The following AIG1 variants were observed in gnomAD, a reference collection of about 807,000 sequenced individuals.
AIG1 encodes the protein androgen-induced gene 1 protein.
In AIG1, 23 loss-of-function variants were observed where a neutral mutation model predicts 31.4. The observed-to-expected ratio is 0.73, with a 90% CI of 0.53 to 1.04. AIG1 has a LOEUF of 1.04. Ranked by LOEUF, AIG1 falls within the 50% of genes least tolerant of loss-of-function variation. AIG1 has a pLI of 0.00. For missense variants in AIG1, 274 were observed against 295.0 expected (o/e 0.93, Z 0.52); for synonymous variants, 100 against 110.5 (o/e 0.90, Z 0.60).
intron 4 of AIG1, among the ~76,000 whole-genome samples, chr6:143,304,637 A>G (rs1334575501): frequency 2.0e-5 from 3 of 151,874 alleles, no homozygotes; most frequent in East Asian, 1.9e-4. Context: ...CCAGTATTTT[A>G]TTGAGGATTT....
At chr6:143,165,853 A>G (rs1305496542) in intron 3 of AIG1, among the ~76,000 whole-genome samples, 3 of 152,170 alleles carry the variant, frequency 2.0e-5, no homozygotes, top group Non-Finnish European at 4.4e-5. Context: ...TCATTTTACA[A>G]CATTTGAGGA....
intron 2 of AIG1, among the ~76,000 whole-genome samples, chr6:143,148,568 G>A (rs1410652820): frequency 6.6e-6 from 1 of 152,000 alleles, no homozygotes; most frequent in Non-Finnish European, 1.5e-5. Flanking sequence ...GCTCATGCTT[G>A]TAATCTCAGT....
intron 1 of AIG1, among the ~76,000 whole-genome samples, chr6:143,079,946 G>A (rs56259071): frequency 0.12 from 17,687 of 152,132 alleles, 1,046 homozygotes; most frequent in South Asian, 0.2. Flanking sequence ...TATATGATTT[G>A]ACTATTTCTT....
intron 4 of AIG1, among the ~76,000 whole-genome samples, chr6:143,319,698 A>G (rs1464489830): frequency 6.6e-6 from 1 of 152,216 alleles, no homozygotes; most frequent in Non-Finnish European, 1.5e-5. Context: ...GATAAACAAC[A>G]TCAACAAGCC....
At position 143,310,635 on chromosome 6, in the gene AIG1, TA is replaced by T. The variant is rs541919688; in HGVS notation, c.516-22638del. Among the ~76,000 whole-genome samples the T allele has an allele frequency of 1.0e-3, 150 of 146,592 alleles. 1 individual carries two copies. The highest frequency in any genetic ancestry group is 2.1e-4 in the South Asian group (1 of 4,672). The stretch of plus-strand genomic sequence containing the variant: ...AATTAAAGAAGAAATAAATAAAATT[TA>T]AAAAAAAACAATAAAAGCCAAGGCT... On this transcript the variant is annotated intron_variant, in intron 4 of 5. Coordinates refer to ENST00000357847, the MANE Select transcript of AIG1 (RefSeq NM_016108.4).
intron 3 of AIG1, among the ~76,000 whole-genome samples, chr6:143,178,128 G>A (rs980390026): frequency 1.3e-5 from 2 of 152,118 alleles, no homozygotes; most frequent in African/African-American, 2.4e-5. Flanking sequence ...CCTCTTTTCC[G>A]TGGGCAGCCT....
intron 3 of AIG1, among the ~76,000 whole-genome samples, chr6:143,207,886 C>T (rs1425427690): frequency 6.6e-6 from 1 of 151,924 alleles, no homozygotes; most frequent in Non-Finnish European, 1.5e-5. Flanking sequence ...GGTTTGTTGC[C>T]CTCAGAATTT....
intron 1 of AIG1, among the ~76,000 whole-genome samples, chr6:143,121,334 A>G (rs1369185062): frequency 6.6e-6 from 1 of 152,210 alleles, no homozygotes; most frequent in Non-Finnish European, 1.5e-5. Flanking sequence ...AGCATTTACC[A>G]GTTTGAATCA....
chr6:143,272,311 C>T (rs1796581264), intron 3 of AIG1, among the ~76,000 whole-genome samples: 1 of 152,122 alleles, frequency 6.6e-6, no homozygotes, highest in African/African-American at 2.4e-5. Flanking sequence ...TAGATTAACC[C>T]CACAAAGTTT....
chr6:143,222,442 C>G (rs937505614), intron 3 of AIG1, among the ~76,000 whole-genome samples: 4 of 151,894 alleles, frequency 2.6e-5, no homozygotes, highest in Admixed American at 1.3e-4. Flanking sequence ...ATTCTTATTG[C>G]AAGGGAAGTA....
chr6:143,279,406 A>C lies in AIG1; in HGVS notation c.400-4704A>C, dbSNP rs920348487. Among the ~76,000 whole-genome samples the C allele has an allele frequency of 3.3e-5, 5 of 152,258 alleles. No individual in the cohort carries two copies. The highest frequency in any genetic ancestry group is 1.2e-4 in the African/African-American group (5 of 41,480). On this transcript the variant is annotated intron_variant, in intron 3 of 5. Transcript: ENST00000357847. This position sits in a 1 kb window ranked among gnomAD's most constrained non-coding sequence, Gnocchi z 5.4. ...AGTGAGGAAGGACAAAATCAGAACT[A>C]GATCTCAGATGCCAGCCTCCTAATC...
chr6:143,311,625 G>GA (rs1183099943), intron 4 of AIG1, among the ~76,000 whole-genome samples: 1 of 151,458 alleles, frequency 6.6e-6, no homozygotes, highest in African/African-American at 2.4e-5. Flanking sequence ...TGATTTAAAG[G>GA]AAAAAAACCT....
chr6:143,128,534 G>A (rs1782898427), intron 1 of AIG1, among the ~76,000 whole-genome samples: 1 of 152,180 alleles, frequency 6.6e-6, no homozygotes, highest in Admixed American at 6.5e-5. Flanking sequence ...AAAGCCAGAT[G>A]GTGTATATGT....
At chr6:143,113,717 T>C (rs773884900) in intron 1 of AIG1, among the ~76,000 whole-genome samples, 12 of 152,220 alleles carry the variant, frequency 7.9e-5, no homozygotes, top group Non-Finnish European at 1.6e-4. Flanking sequence ...TGAGTTTTCT[T>C]AGGACAGACA....
At chr6:143,212,183 T>C (rs887037358) in intron 3 of AIG1, among the ~76,000 whole-genome samples, 2 of 152,088 alleles carry the variant, frequency 1.3e-5, no homozygotes, top group African/African-American at 4.8e-5. Flanking sequence ...GAGAGCAAAA[T>C]TGCCCTAGGT....
intron 3 of AIG1, among the ~76,000 whole-genome samples, chr6:143,226,246 ATT>A (rs1554259707): frequency 7.0e-6 from 1 of 142,052 alleles, no homozygotes; most frequent in Admixed American, 7.0e-5. Context: ...ATATATATAT[ATT>A]TTTTTTTTTT....
chr6:143,307,100 G>A (rs1472437254), intron 4 of AIG1, among the ~76,000 whole-genome samples: 5 of 151,728 alleles, frequency 3.3e-5, no homozygotes, highest in Admixed American at 1.3e-4. Context: ...TTATACATTC[G>A]TCTAAATTTT....
intron 5 of AIG1, chr6:143,339,143 T>C (rs1777726674): frequency 6.6e-6 from 1 of 150,820 alleles, no homozygotes; most frequent in African/African-American, 2.5e-5. Context: ...GCTAATAAAC[T>C]CTCTATGAAC....
chr6:143,196,866 A>G (rs1285240610), intron 3 of AIG1, among the ~76,000 whole-genome samples: 1 of 152,222 alleles, frequency 6.6e-6, no homozygotes, highest in Non-Finnish European at 1.5e-5. Flanking sequence ...CTTCAGGAGC[A>G]TAAAATGTTA....
Sources: allele counts gnomAD v4.1 joint callset (sites outside exome capture counted in the v4.1 genomes callset), GRCh38; gene constraint gnomAD v4.1.1; non-coding constraint Gnocchi (gnomAD v3.1); transcripts MANE v1.5; gene names NCBI Gene and HGNC (gene_info 2026-07-23, HGNC 2026-07-21).